The following HERC5 variants were observed in gnomAD, a reference collection of about 807,000 sequenced individuals.
The protein encoded by HERC5 is E3 ISG15--protein ligase HERC5.
Under a neutral mutation model 119.6 loss-of-function variants are expected in HERC5, and 99 were observed. The observed-to-expected ratio is 0.83, with a 90% CI of 0.70 to 0.98. The LOEUF (loss-of-function observed/expected upper bound fraction) is 0.98. Among genes scored for constraint, HERC5 ranks in the 50% least tolerant of loss-of-function variants. HERC5 has a pLI of 0.00. For missense variants in HERC5, 1,267 were observed against 1,241.3 expected (o/e 1.02, Z -0.31); for synonymous variants, 478 against 445.9 (o/e 1.07, Z -0.91).
At chr4:88,477,029 CTTCTT>C (rs1027231265) in intron 12 of HERC5, among the ~76,000 whole-genome samples, 2 of 144,366 alleles carry the variant, frequency 1.4e-5, no homozygotes, top group African/African-American at 5.1e-5. Context: ...TCAAATTTCT[CTTCTT>C]TTCCCAAAAA....
intron 9 of HERC5, among the ~76,000 whole-genome samples, chr4:88,470,014 C>T (rs974888948): frequency 6.6e-6 from 1 of 152,146 alleles, no homozygotes; most frequent in Non-Finnish European, 1.5e-5. Context: ...CAATTTGTAC[C>T]ATTCTTCTCT....
chr4:88,482,876 C>G (rs908784206), intron 13 of HERC5, among the ~76,000 whole-genome samples: 1 of 152,116 alleles, frequency 6.6e-6, no homozygotes, highest in African/African-American at 2.4e-5. Flanking sequence ...AGTGATCTGC[C>G]TGGCTCTGCC....
intron 3 of HERC5, among the ~76,000 whole-genome samples, chr4:88,460,468 C>G (rs1047642207): frequency 1.1e-4 from 16 of 152,190 alleles, no homozygotes; most frequent in Admixed American, 3.3e-4. Flanking sequence ...TGATCCAGGC[C>G]TGGGGCCACC....
chr4:88,504,734 C>G (rs573226312), intron 22 of HERC5, 137 bp downstream of exon 22: 1 of 438,888 alleles, frequency 2.3e-6, no homozygotes, highest in Non-Finnish European at 4.1e-6. Flanking sequence ...TCCTCTGTGT[C>G]CCAACATCAA....
Position 88,475,929 on chromosome 4 carries a change from C to T in HERC5, c.1481C>T (p.Pro494Leu). The change falls in exon 12 of 23, where the codon CCA (proline) becomes CTA (leucine). Residue 494 changes from proline to leucine, a missense_variant. Pro to Leu is a moderately conservative substitution (Grantham distance 98). Around this residue, in one of 3 missense-constraint regions of HERC5, gnomAD observed 777 missense variants for 758.0 expected, o/e 1.03. Transcript: ENST00000264350. ...QEALEIFFLLPECPMMHISNN... is the reference protein window; with the variant it reads ...QEALEIFFLLLECPMMHISNN... ...GCTTTAGAAATTTTCTTCCTTCTCC[C>T]AGAATGTCCTATGATGCATATTTCC... 1 of 1,613,926 alleles carries T rather than the reference C, an allele frequency of 6.2e-7. No individual in the cohort carries two copies. Among genetic ancestry groups the T allele is most frequent in the Non-Finnish European group, 8.5e-7 (1 of 1,179,900 alleles).
chr4:88,459,277 A>G, intron 1 of HERC5, 70 bp from the exon 2 acceptor site: 4 of 1,280,618 alleles, frequency 3.1e-6, no homozygotes, highest in South Asian at 4.4e-5. Context: ...TAAGTGTATT[A>G]TAATGAAGTT....
intron 22 of HERC5, among the ~76,000 whole-genome samples, chr4:88,505,321 C>G (rs1204797937): frequency 2.0e-5 from 3 of 152,170 alleles, no homozygotes; most frequent in African/African-American, 7.2e-5. Context: ...TTGGAAATCC[C>G]CTCAGTCATC....
chr4:88,467,954 T>G, intron 7 of HERC5: 1 of 814,172 alleles, frequency 1.2e-6, no homozygotes, highest in Non-Finnish European at 1.5e-6. Context: ...CTTTGATTCC[T>G]TATAACAGTT....
intron 11 of HERC5, chr4:88,473,737 T>TGA (rs1212870539): frequency 6.6e-6 from 1 of 152,244 alleles, no homozygotes; most frequent in Non-Finnish European, 1.5e-5. Flanking sequence ...TGTAAGATTC[T>TGA]GAGTCATTGC....
intron 12 of HERC5, among the ~76,000 whole-genome samples, chr4:88,478,296 ATT>A (rs991124258): frequency 1.3e-5 from 2 of 152,228 alleles, no homozygotes; most frequent in Non-Finnish European, 2.9e-5. Flanking sequence ...ATACTAAAAT[ATT>A]TTGTTATGTG....
At chr4:88,467,957 T>G (rs1426328512) in intron 7 of HERC5, 1 of 803,830 alleles carries the variant, frequency 1.2e-6, no homozygotes, top group Admixed American at 6.2e-5. Context: ...TGATTCCTTA[T>G]AACAGTTACA....
chr4:88,494,132 A>G (rs141751539), intron 17 of HERC5, 33 bp from the exon 18 acceptor site: 2 of 1,438,848 alleles, frequency 1.4e-6, no homozygotes, highest in Admixed American at 3.9e-5. Flanking sequence ...GTAAAAACTC[A>G]TAATACTTTA....
rs1336647462 is a variant in HERC5, at chr4:88,457,682, G to A, written c.265+148G>A. The A allele has an allele frequency of 8.6e-6, 8 of 933,840 alleles. No individual in the cohort carries two copies. The East Asian group carries it at 2.3e-4, about 27-fold the overall frequency. 57.8% of individuals were successfully genotyped at this position (933,840 alleles called of 1,614,324 possible). A position where few individuals can be genotyped will look rare whatever the true frequency, so the allele number is the denominator to read the frequency against. On this transcript the variant is annotated intron_variant, in intron 1 of 22. Coordinates refer to ENST00000264350, the MANE Select transcript of HERC5 (RefSeq NM_016323.4). ...GCCTGGCTCGGATAGTTTCGCCGAC[G>A]GCGCACCTGAGCTGTCTTTTATCCC...
chr4:88,494,353 G>C lies in HERC5; in HGVS notation c.2444+22G>C, dbSNP rs761502802. 7.5e-6 allele frequency: 12 copies of C among 1,598,474 alleles called. No individual in the cohort carries two copies. The East Asian group carries it at 2.7e-4, about 36-fold the overall frequency. Reference sequence around the variant, plus strand: ...GAAAGTAAGTAAACAGAGTTCCTGAGAAAGGACCCTTTCTAACATATATTT... The same window carrying C: ...GAAAGTAAGTAAACAGAGTTCCTGACAAAGGACCCTTTCTAACATATATTT... On this transcript the variant is annotated intron_variant, in intron 18 of 22. Coordinates refer to ENST00000264350, the MANE Select transcript of HERC5 (RefSeq NM_016323.4).
intron 3 of HERC5, 82 bp downstream of exon 3, chr4:88,460,253 C>A: frequency 1.5e-6 from 1 of 647,878 alleles, no homozygotes; most frequent in Admixed American, 2.9e-5. Flanking sequence ...CTATATTTCA[C>A]TTGTAACAGG....
chr4:88,487,026 C>T, intron 14 of HERC5, 43 bp from the exon 15 acceptor site: 1 of 1,367,974 alleles, frequency 7.3e-7, no homozygotes, highest in Non-Finnish European at 1.0e-6. Context: ...TAAGGTTTCT[C>T]TGTCCTTTAA....
intron 19 of HERC5, 26 bp from the exon 20 acceptor site, chr4:88,500,889 T>G (rs372766151): frequency 5.2e-6 from 8 of 1,541,372 alleles, no homozygotes; most frequent in South Asian, 1.1e-5. Context: ...GTTGGAGATA[T>G]TATCTGAGTT....
At chr4:88,486,676 A>G (rs2149101290) in intron 14 of HERC5, among the ~76,000 whole-genome samples, 1 of 152,306 alleles carries the variant, frequency 6.6e-6, no homozygotes, top group South Asian at 2.1e-4. Flanking sequence ...TCTGAAGGTT[A>G]TAATTCTCCT....
chr4:88,478,879 T>C (rs1741173574), intron 12 of HERC5, among the ~76,000 whole-genome samples: 1 of 152,198 alleles, frequency 6.6e-6, no homozygotes, highest in African/African-American at 2.4e-5. Flanking sequence ...CCCAAAGTGC[T>C]GGGATTGTAG....
Sources: gnomAD v4.1 joint callset for allele counts (sites outside exome capture counted in the v4.1 genomes callset) on GRCh38, gnomAD v4.1.1 for gene constraint, gnomAD v4.1.1 regional missense constraint, MANE v1.5 for transcripts, NCBI Gene and HGNC (gene_info 2026-07-23, HGNC 2026-07-21) for gene names.